The following LPCAT2 variants were observed in gnomAD, a reference collection of about 807,000 sequenced individuals.
The protein encoded by LPCAT2 is 1-AGP acyltransferase 11.
Under a neutral mutation model 64.7 loss-of-function variants are expected in LPCAT2, and 58 were observed. The observed-to-expected ratio is 0.90, with a 90% CI of 0.73 to 1.12. The LOEUF (loss-of-function observed/expected upper bound fraction) is 1.12, where lower values mean the gene tolerates loss of function less well. Among genes scored for constraint, LPCAT2 ranks in the 50% most tolerant of loss-of-function variants. The pLI is 0.00. For synonymous variants in LPCAT2, 252 were observed against 245.3 expected, an observed-to-expected ratio of 1.03 and a Z score of -0.26; for missense variants, 579 against 669.8, an observed-to-expected ratio of 0.86 and a Z score of 1.50.
At chr16:55,541,188 G>A (rs1234285178) in intron 8 of LPCAT2, 3 of 152,078 alleles carry the variant, frequency 2.0e-5, no homozygotes, top group Non-Finnish European at 2.9e-5. Context: ...GTTTTCTTTA[G>A]GAAAATTCCT....
intron 9 of LPCAT2, 90 bp downstream of exon 9, chr16:55,545,907 C>A: frequency 1.1e-6 from 1 of 891,128 alleles, no homozygotes; most frequent in Non-Finnish European, 1.8e-6. Flanking sequence ...TTTTTTTGAC[C>A]CCTGAAGGCC....
At position 55,536,400 on chromosome 16, in the gene LPCAT2, GT is replaced by G. The variant is rs1169347717; in HGVS notation, c.798-1177del. On this transcript the variant is annotated intron_variant, in intron 7 of 13. Transcript: ENST00000262134. The stretch of plus-strand genomic sequence containing the variant: ...TTCAGAATAGAATGCATCTATTCAA[GT>G]AATTGAATTCCACAGCTCCATTTAA... Among the ~76,000 whole-genome samples, 4 of 152,142 alleles carry G rather than the reference GT, an allele frequency of 2.6e-5. No individual in the cohort carries two copies. In the East Asian group the frequency reaches 7.7e-4, roughly 29 times the overall value.
chr16:55,557,291 T>TTC (rs368376341), intron 11 of LPCAT2, among the ~76,000 whole-genome samples: 1 of 150,190 alleles, frequency 6.7e-6, no homozygotes, highest in Admixed American at 6.6e-5. Flanking sequence ...CTCTGTCTTC[T>TTC]TCTCTCTCTC....
At chr16:55,570,471 A>T (rs1044034758) in intron 11 of LPCAT2, among the ~76,000 whole-genome samples, 13 of 152,130 alleles carry the variant, frequency 8.5e-5, no homozygotes, top group Admixed American at 2.0e-4. Context: ...AAAAAAATTT[A>T]AAAAATCCCC....
chr16:55,571,068 T>C (rs1963764855), intron 11 of LPCAT2, among the ~76,000 whole-genome samples: 1 of 152,176 alleles, frequency 6.6e-6, no homozygotes. Context: ...GAAGGAAAAA[T>C]AGTCCCTCTT....
At chr16:55,529,248 C>T (rs549190619) in intron 3 of LPCAT2, among the ~76,000 whole-genome samples, 1 of 152,212 alleles carries the variant, frequency 6.6e-6, no homozygotes, top group African/African-American at 2.4e-5. Flanking sequence ...CCTGATGTTG[C>T]CTCAGTGCTC....
At chr16:55,575,517 G>A (rs765300162) in intron 12 of LPCAT2, among the ~76,000 whole-genome samples, 2 of 152,116 alleles carry the variant, frequency 1.3e-5, no homozygotes, top group Non-Finnish European at 2.9e-5. Context: ...TATGTATATT[G>A]GCTCTTGTTG....
At chr16:55,523,327 A>G (rs1203155693) in intron 1 of LPCAT2, among the ~76,000 whole-genome samples, 1 of 151,800 alleles carries the variant, frequency 6.6e-6, no homozygotes, top group Non-Finnish European at 1.5e-5. Flanking sequence ...GAGGATGTGG[A>G]GTAACAGGAA....
In LPCAT2 at chr16:55,509,991, C is replaced by CTTTTTTTTTTTT. The variant is rs57496150; in HGVS notation, c.171+645_171+656dup. Among the ~76,000 whole-genome samples, 7 of 102,528 alleles carry CTTTTTTTTTTTT rather than the reference C, an allele frequency of 6.8e-5. 1 individual carries two copies. The highest frequency in any genetic ancestry group is 3.6e-4 in the South Asian group (1 of 2,808). 67.3% of individuals were successfully genotyped at this position (102,528 alleles called of 152,430 possible). ...TACGGGAGAGTAGATTTGAAGAAGTCTTTTTTTTTTTTTTTTTGCCTTAGG... is the reference window on the plus strand; with the variant it reads ...TACGGGAGAGTAGATTTGAAGAAGTCTTTTTTTTTTTTTTTTTTTTTTTTTTTTTGCCTTAGG... On this transcript the variant is annotated intron_variant, in intron 1 of 13. Coordinates refer to ENST00000262134, the MANE Select transcript of LPCAT2 (RefSeq NM_017839.5).
At chr16:55,544,949 T>C (rs1963437250) in intron 8 of LPCAT2, among the ~76,000 whole-genome samples, 2 of 152,220 alleles carry the variant, frequency 1.3e-5, no homozygotes, top group Admixed American at 6.5e-5. Flanking sequence ...CATATGGGGT[T>C]ATTAATGTGT....
chr16:55,524,322 A>G (rs1015966737), intron 1 of LPCAT2, among the ~76,000 whole-genome samples: 3 of 151,998 alleles, frequency 2.0e-5, no homozygotes, highest in African/African-American at 2.4e-5. Context: ...TGCATGATGT[A>G]TGATTCCATT....
At chr16:55,538,613 C>T (rs1251037169) in intron 8 of LPCAT2, 4 of 137,180 alleles carry the variant, frequency 2.9e-5, no homozygotes, top group Admixed American at 8.3e-5. Flanking sequence ...TTGAAAATAT[C>T]TGTTTATTAA....
In LPCAT2 at chr16:55,528,523, T is replaced by C; in HGVS notation, c.458T>C (p.Ile153Thr). Reference sequence around the variant, plus strand: ...CCTCATTCAACATTCTTTGATGGAATTGCCTGTGTTGTAGCTGGGTTACCT... The same window carrying C: ...CCTCATTCAACATTCTTTGATGGAACTGCCTGTGTTGTAGCTGGGTTACCT... ...AAPHSTFFDG[I>T]ACVVAGLPSM... Residue 153 changes from isoleucine to threonine, a missense_variant, in exon 3 of 14, where the codon ATT becomes ACT. Coordinates refer to ENST00000262134, the MANE Select transcript of LPCAT2 (RefSeq NM_017839.5). 3 of 1,614,050 alleles carry C rather than the reference T, an allele frequency of 1.9e-6. No individual in the cohort carries two copies. The highest frequency in any genetic ancestry group is 2.5e-6 in the Non-Finnish European group (3 of 1,179,954).
At chr16:55,579,300 G>A (rs2142425708) in intron 13 of LPCAT2, 56 bp downstream of exon 13, 1 of 1,542,360 alleles carries the variant, frequency 6.5e-7, no homozygotes, top group East Asian at 2.3e-5. Flanking sequence ...TCCAGACTAT[G>A]GACTGATGCT....
intron 6 of LPCAT2, among the ~76,000 whole-genome samples, chr16:55,534,159 T>C (rs1963293654): frequency 6.6e-6 from 1 of 152,164 alleles, no homozygotes; most frequent in Non-Finnish European, 1.5e-5. Flanking sequence ...TATGTTCATA[T>C]TAGGAGAAAA....
chr16:55,531,881 T>C lies in LPCAT2; in HGVS notation c.643-33T>C, dbSNP rs773959219. The C allele has an allele frequency of 5.2e-6, 7 of 1,341,844 alleles. No individual in the cohort carries two copies. In the Admixed American group the frequency reaches 1.2e-4, roughly 23 times the overall value. 83.1% of individuals were successfully genotyped at this position (1,341,844 alleles called of 1,614,324 possible). ...GTAAAGAGGTAATTTATTAATTAGA[T>C]TGAAATATTAAATCTATTCCTTTTT... On this transcript the variant is annotated intron_variant, in intron 4 of 13. Transcript: ENST00000262134.
In LPCAT2 at chr16:55,586,414, C is replaced by G. The variant is rs1963947429; in HGVS notation, c.*3316C>G. ...TCTTATTATTTTAAAAGAATCTATG[C>G]ACATTAGCAAAATTTAAAAGATAGA... is the stretch of plus-strand genomic sequence containing the variant. On this transcript the variant is annotated 3_prime_UTR_variant, in exon 14 of 14. Transcript: ENST00000262134. The G allele has an allele frequency of 6.6e-6, 1 of 151,968 alleles. No homozygotes were observed. Among genetic ancestry groups the G allele is most frequent in the Non-Finnish European group, 1.5e-5 (1 of 67,986 alleles). 9.4% of individuals were successfully genotyped at this position (151,968 alleles called of 1,614,324 possible). A position where few individuals can be genotyped will look rare whatever the true frequency, so the allele number is the denominator to read the frequency against.
chr16:55,546,744 C>T (rs956094472), intron 9 of LPCAT2, among the ~76,000 whole-genome samples: 32 of 152,118 alleles, frequency 2.1e-4, no homozygotes, highest in Non-Finnish European at 4.4e-5. Flanking sequence ...CTTGTTTTAT[C>T]TAGTTTCTAG....
chr16:55,542,549 G>A (rs1173770819), intron 8 of LPCAT2, among the ~76,000 whole-genome samples: 1 of 152,096 alleles, frequency 6.6e-6, no homozygotes, highest in African/African-American at 2.4e-5. Context: ...ACAGGAATAT[G>A]AAGGCAAGAT....
Sources: allele counts gnomAD v4.1 joint callset (sites outside exome capture counted in the v4.1 genomes callset), GRCh38; gene constraint gnomAD v4.1.1; transcripts MANE v1.5; gene names NCBI Gene and HGNC (gene_info 2026-07-23, HGNC 2026-07-21).